Variants in MSRA observed in about 807,000 individuals in gnomAD.
The protein encoded by MSRA is mitochondrial peptide methionine sulfoxide reductase.
Under a neutral mutation model 31.3 loss-of-function variants are expected in MSRA, and 54 were observed. That is an observed-to-expected ratio of 1.73 (90% CI 1.39 to 2.17). MSRA has a LOEUF of 2.17. Among genes scored for constraint, MSRA ranks in the 30% most tolerant of loss-of-function variants. MSRA has a pLI of 0.00. For synonymous variants in MSRA, 169 were observed against 116.5 expected, an observed-to-expected ratio of 1.45 and a Z score of -2.90; for missense variants, 507 against 300.9, an observed-to-expected ratio of 1.69 and a Z score of -5.07.
At chr8:10,303,318 T>A (rs1220416359) in intron 4 of MSRA, among the ~76,000 whole-genome samples, 2 of 152,128 alleles carry the variant, frequency 1.3e-5, no homozygotes, top group Non-Finnish European at 2.9e-5. Flanking sequence ...ATGCTTTCAT[T>A]TGATCACATC....
At chr8:10,092,865 G>A (rs1278887190) in intron 1 of MSRA, among the ~76,000 whole-genome samples, 1 of 152,030 alleles carries the variant, frequency 6.6e-6, no homozygotes, top group Non-Finnish European at 1.5e-5. Context: ...GTATTTTGGG[G>A]CTCTGTTCTT....
chr8:10,363,051 G>C (rs1156574634), intron 5 of MSRA, among the ~76,000 whole-genome samples: 4 of 152,224 alleles, frequency 2.6e-5, no homozygotes, highest in African/African-American at 7.2e-5. Context: ...GCCAGCCTCA[G>C]TCACTGGTGT....
At chr8:10,195,048 A>G (rs1807852801) in intron 1 of MSRA, among the ~76,000 whole-genome samples, 1 of 152,212 alleles carries the variant, frequency 6.6e-6, no homozygotes, top group Non-Finnish European at 1.5e-5. Flanking sequence ...AGATAGTTTC[A>G]TATCTGTAAC....
chr8:10,193,247 G>A (rs966929946), intron 1 of MSRA, among the ~76,000 whole-genome samples: 1 of 152,192 alleles, frequency 6.6e-6, no homozygotes, highest in Non-Finnish European at 1.5e-5. Flanking sequence ...ATTAGCACAT[G>A]AGAAACATTT....
At chr8:10,210,305 A>C (rs909245702) in intron 2 of MSRA, among the ~76,000 whole-genome samples, 4 of 152,112 alleles carry the variant, frequency 2.6e-5, no homozygotes, top group African/African-American at 9.7e-5. Flanking sequence ...GCCCAAGTCT[A>C]ATTGACCTGG....
At chr8:10,144,402 C>T (rs1802960545) in intron 1 of MSRA, among the ~76,000 whole-genome samples, 2 of 152,200 alleles carry the variant, frequency 1.3e-5, no homozygotes, top group Middle Eastern at 3.4e-3. Flanking sequence ...AATAGTAGTA[C>T]CTACCTCAGA....
At chr8:10,240,629 C>G (rs970827379) in intron 2 of MSRA, among the ~76,000 whole-genome samples, 14 of 152,178 alleles carry the variant, frequency 9.2e-5, no homozygotes, top group African/African-American at 3.4e-4. Context: ...TGGCCTCTGA[C>G]TAGGCAGCCA....
At chr8:10,163,186 A>G (rs1168051644) in intron 1 of MSRA, among the ~76,000 whole-genome samples, 2 of 152,162 alleles carry the variant, frequency 1.3e-5, no homozygotes, top group African/African-American at 4.8e-5. Context: ...TTGGACTTCC[A>G]GCCTCAGAAC....
chr8:10,097,247 A>G (rs1369829675), intron 1 of MSRA, among the ~76,000 whole-genome samples: 1 of 152,222 alleles, frequency 6.6e-6, no homozygotes, highest in Admixed American at 6.5e-5. Context: ...CAACTTTTTA[A>G]TTAATCAACA....
At chr8:10,309,432 T>C (rs1801316327) in intron 4 of MSRA, among the ~76,000 whole-genome samples, 1 of 152,236 alleles carries the variant, frequency 6.6e-6, no homozygotes, top group South Asian at 2.1e-4. Context: ...TGTTTGTTTG[T>C]CTTGTTCTTT....
intron 1 of MSRA, among the ~76,000 whole-genome samples, chr8:10,081,953 A>G (rs968633391): frequency 3.9e-5 from 6 of 152,156 alleles, no homozygotes; most frequent in East Asian, 1.9e-4. Context: ...CCTGTGTCCC[A>G]GCGCTGTGAG....
At chr8:10,188,358 C>A (rs1482530793) in intron 1 of MSRA, among the ~76,000 whole-genome samples, 1 of 152,308 alleles carries the variant, frequency 6.6e-6, no homozygotes, top group East Asian at 1.9e-4. Flanking sequence ...CTCATGTTAT[C>A]GTTTAACAGT....
intron 1 of MSRA, among the ~76,000 whole-genome samples, chr8:10,075,405 T>G (rs1236778781): frequency 6.6e-6 from 1 of 152,220 alleles, no homozygotes; most frequent in African/African-American, 2.4e-5. Flanking sequence ...ACAAACATCT[T>G]TAGAAATTTT....
chr8:10,093,343 T>A (rs1471638943), intron 1 of MSRA, among the ~76,000 whole-genome samples: 1 of 152,196 alleles, frequency 6.6e-6, no homozygotes, highest in African/African-American at 2.4e-5. Flanking sequence ...TCTATGTTTT[T>A]GAGTTATTTG....
At chr8:10,381,107 T>G (rs1261709279) in intron 5 of MSRA, among the ~76,000 whole-genome samples, 1 of 152,196 alleles carries the variant, frequency 6.6e-6, no homozygotes, top group Non-Finnish European at 1.5e-5. Flanking sequence ...TATGCTTCTG[T>G]GGCTTCTGAA....
intron 5 of MSRA, among the ~76,000 whole-genome samples, chr8:10,409,425 G>A (rs1808022448): frequency 6.6e-6 from 1 of 152,154 alleles, no homozygotes; most frequent in Non-Finnish European, 1.5e-5. Context: ...TTGTCACACG[G>A]GGACATGGAA....
chr8:10,349,318 G>A (rs1034831865), intron 5 of MSRA, among the ~76,000 whole-genome samples: 4 of 152,302 alleles, frequency 2.6e-5, no homozygotes, highest in African/African-American at 9.6e-5. Context: ...CCAATGCAGT[G>A]AACTGGGTTT....
At chr8:10,344,051 A>C (rs760962300) in intron 5 of MSRA, among the ~76,000 whole-genome samples, 3 of 152,204 alleles carry the variant, frequency 2.0e-5, no homozygotes, top group Non-Finnish European at 2.9e-5. Context: ...TCTTGCCTGG[A>C]ACTGACATAA....
chr8:10,388,446 C>G (rs937980556), intron 5 of MSRA, among the ~76,000 whole-genome samples: 1 of 152,192 alleles, frequency 6.6e-6, no homozygotes, highest in Non-Finnish European at 1.5e-5. Flanking sequence ...TCTCCTGTGT[C>G]TGCAGTTTCT....
Sources: allele counts gnomAD v4.1 joint callset (sites outside exome capture counted in the v4.1 genomes callset), GRCh38; gene constraint gnomAD v4.1.1; transcripts MANE v1.5; gene names NCBI Gene and HGNC (gene_info 2026-07-23, HGNC 2026-07-21).